Variants in TLN2 observed in about 807,000 individuals in gnomAD.
The protein encoded by TLN2 is talin 2.
A neutral mutation model predicts 294.7 loss-of-function variants in TLN2; 118 were observed. The ratio of observed to expected loss-of-function variants is 0.40; its 90% CI spans 0.34 to 0.47. The LOEUF (loss-of-function observed/expected upper bound fraction) is 0.47. Among genes scored for constraint, TLN2 ranks in the 20% least tolerant of loss-of-function variants. The pLI, the probability that TLN2 is intolerant of heterozygous loss-of-function variation, is 0.84. For synonymous variants in TLN2, 1,431 were observed against 1,304.5 expected, an observed-to-expected ratio of 1.10 and a Z score of -2.09; for missense variants, 3,083 against 3,282.2, an observed-to-expected ratio of 0.94 and a Z score of 1.48.
chr15:62,717,587 G>A lies in TLN2; in HGVS notation c.2775G>A (p.Lys925=), dbSNP rs1448689369. ...KIVNRLEVAA[K]QAAAAATQTI... ...TCACTCCTCTGCAGGTTGCAGCCAA[G>A]CAGGCCGCAGCGGCAGCCACACAGA... Residue 925 remains lysine (K), a synonymous_variant, in exon 24 of 59, where the codon AAG becomes AAA. Transcript: ENST00000636159. 1.3e-6 allele frequency: 2 copies of A among 1,573,164 alleles called. No individual in the cohort carries two copies. The highest frequency in any genetic ancestry group is 1.7e-6 in the Non-Finnish European group (2 of 1,163,762).
At chr15:62,687,262 T>G (rs1435446478) in intron 12 of TLN2, among the ~76,000 whole-genome samples, 2 of 152,226 alleles carry the variant, frequency 1.3e-5, no homozygotes, top group African/African-American at 4.8e-5. Flanking sequence ...ACGTGGACTT[T>G]AGGATAGTAT....
chr15:62,657,203 G>T (rs772465194), intron 8 of TLN2, among the ~76,000 whole-genome samples: 144 of 152,034 alleles, frequency 9.5e-4, no homozygotes, highest in Non-Finnish European at 1.9e-3. Flanking sequence ...GGAGGAGGAG[G>T]AGTTCAGACA....
intron 1 of TLN2, among the ~76,000 whole-genome samples, chr15:62,463,270 T>C (rs1442212987): frequency 6.6e-6 from 1 of 152,194 alleles, no homozygotes; most frequent in African/African-American, 2.4e-5. Context: ...ACCTCTGTGT[T>C]CCCTTCTGGA....
At chr15:62,493,742 C>T (rs1202434347) in intron 1 of TLN2, among the ~76,000 whole-genome samples, 6 of 152,016 alleles carry the variant, frequency 3.9e-5, no homozygotes, top group African/African-American at 1.4e-4. Context: ...TCCCGAGTAG[C>T]TGGGACCACA....
intron 3 of TLN2, among the ~76,000 whole-genome samples, chr15:62,646,537 A>C (rs534179302): frequency 2.6e-5 from 4 of 152,296 alleles, no homozygotes; most frequent in African/African-American, 9.6e-5. Flanking sequence ...TCAAATCAGA[A>C]TTGAGTTGCA....
intron 44 of TLN2, 139 bp from the exon 45 acceptor site, chr15:62,783,632 G>A: frequency 7.0e-7 from 1 of 1,436,712 alleles, no homozygotes; most frequent in Non-Finnish European, 9.1e-7. Flanking sequence ...CAAATGCAAG[G>A]CCTGGCCTTC....
At chr15:62,629,071 C>A (rs981012366) in intron 3 of TLN2, among the ~76,000 whole-genome samples, 1 of 152,052 alleles carries the variant, frequency 6.6e-6, no homozygotes, top group South Asian at 2.1e-4. Flanking sequence ...GTAGCACATA[C>A]CTGTAGTCCC....
rs148788751 is a variant in TLN2, at chr15:62,656,762, T to C, written c.660+676T>C. Among the ~76,000 whole-genome samples the C allele has an allele frequency of 3.2e-3, 494 of 152,340 alleles. 5 individuals carry two copies. The highest frequency in any genetic ancestry group is 0.011 in the African/African-American group (467 of 41,578). On this transcript the variant is annotated intron_variant, in intron 8 of 58. Transcript: ENST00000636159. Reference sequence around the variant, plus strand: ...GCAAACTACAGTCATGCCTTTTGCCTGTACTTGTCAATAAAGTTGTATTGG... The same window carrying C: ...GCAAACTACAGTCATGCCTTTTGCCCGTACTTGTCAATAAAGTTGTATTGG...
At chr15:62,550,707 C>T (rs991913938) in intron 1 of TLN2, among the ~76,000 whole-genome samples, 24 of 152,094 alleles carry the variant, frequency 1.6e-4, no homozygotes, top group African/African-American at 5.6e-4. Context: ...AATTTCTTCC[C>T]TTAGACAGGT....
intron 1 of TLN2, among the ~76,000 whole-genome samples, chr15:62,419,555 C>T (rs2034269893): frequency 6.7e-6 from 1 of 149,214 alleles, no homozygotes; most frequent in Non-Finnish European, 1.5e-5. Flanking sequence ...GGAGAGAGCA[C>T]CTTTTTCTAG....
chr15:62,757,661 G>A (rs2062376955), intron 37 of TLN2, among the ~76,000 whole-genome samples: 1 of 152,120 alleles, frequency 6.6e-6, no homozygotes, highest in Non-Finnish European at 1.5e-5. Flanking sequence ...TGCAGCAAAT[G>A]AGCTCTCGTG....
rs1596720154 is a variant in TLN2 at position 62,686,879 on chromosome 15, C to A, written c.1113+83C>A. The A allele has an allele frequency of 3.3e-6, 5 of 1,538,406 alleles. No individual in the cohort carries two copies. The East Asian group carries it at 9.2e-5, about 28-fold the overall frequency. On this transcript the variant is annotated intron_variant, in intron 12 of 58. Transcript: ENST00000636159. ...GACAGGAGAAAGACCAGATTCTTGC[C>A]CATTGGGTTTCTCTGGCCTGGGAGA...
chr15:62,519,525 C>T (rs1595998076), intron 1 of TLN2, among the ~76,000 whole-genome samples: 1 of 152,156 alleles, frequency 6.6e-6, no homozygotes, highest in African/African-American at 2.4e-5. Context: ...GGAAGCTTAG[C>T]CTCTTTGCAG....
chr15:62,585,764 C>T (rs2045546055), intron 1 of TLN2, among the ~76,000 whole-genome samples: 1 of 152,120 alleles, frequency 6.6e-6, no homozygotes, highest in Non-Finnish European at 1.5e-5. Flanking sequence ...TAGATCTTAT[C>T]CATATTCATA....
At chr15:62,791,856 G>A (rs1040487353) in intron 45 of TLN2, among the ~76,000 whole-genome samples, 5 of 152,184 alleles carry the variant, frequency 3.3e-5, no homozygotes, top group Admixed American at 1.3e-4. Context: ...TGCAAACTTC[G>A]GGGAGGTGGA....
intron 2 of TLN2, among the ~76,000 whole-genome samples, chr15:62,610,087 C>T (rs2047797606): frequency 6.6e-6 from 1 of 152,154 alleles, no homozygotes; most frequent in South Asian, 2.1e-4. Flanking sequence ...CATGGGCTCT[C>T]CCACAGAGCC....
chr15:62,655,862 A>C, intron 7 of TLN2, 82 bp from the exon 8 acceptor site: 1 of 1,498,942 alleles, frequency 6.7e-7, no homozygotes, highest in Non-Finnish European at 9.1e-7. Flanking sequence ...AGAAATCTGC[A>C]TCACACTGCT....
chr15:62,703,791 G>A lies in TLN2; in HGVS notation c.2004+927G>A, dbSNP rs556224195. 8.5e-4 allele frequency among the ~76,000 whole-genome samples: 130 copies of A among 152,140 alleles called. 1 individual carries two copies. The highest frequency in any genetic ancestry group is 2.9e-3 in the African/African-American group (120 of 41,510). ...AGGGACCTGTGGTGCTTGCCCTCTG[G>A]GGAGCGACTGTCACCACTGTCTGCA... On this transcript the variant is annotated intron_variant, in intron 19 of 58. Transcript: ENST00000636159.
At chr15:62,525,011 C>G (rs2040660883) in intron 1 of TLN2, among the ~76,000 whole-genome samples, 1 of 152,192 alleles carries the variant, frequency 6.6e-6, no homozygotes, top group Non-Finnish European at 1.5e-5. Context: ...GGAGCTCATC[C>G]TCATAGTCAT....
Sources: gnomAD v4.1 joint callset for allele counts (sites outside exome capture counted in the v4.1 genomes callset) on GRCh38, gnomAD v4.1.1 for gene constraint, MANE v1.5 for transcripts, NCBI Gene and HGNC (gene_info 2026-07-23, HGNC 2026-07-21) for gene names.